Variants in USP13 observed in about 807,000 individuals in gnomAD.
USP13 encodes ubiquitin carboxyl-terminal hydrolase 13.
USP13 carries 68 observed loss-of-function variants against 107.8 expected under a neutral mutation model. That is an observed-to-expected ratio of 0.63 (90% confidence interval 0.52 to 0.77). USP13 has a LOEUF of 0.77. Ranked by LOEUF, USP13 falls within the 30% of genes least tolerant of loss-of-function variation. The probability of loss-of-function intolerance (pLI) is 0.00; values close to 1 mark genes in which losing one functional copy is unlikely to be tolerated. For synonymous variants in USP13, 377 were observed against 389.5 expected (o/e 0.97, Z 0.38); for missense variants, 945 against 1,093.3 (o/e 0.86, Z 1.91).
At chr3:179,660,529 C>G (rs1720427132) in intron 1 of USP13, among the ~76,000 whole-genome samples, 3 of 152,170 alleles carry the variant, frequency 2.0e-5, no homozygotes, top group Admixed American at 1.3e-4. Flanking sequence ...GTCCATTCAC[C>G]TGTTAATGGA....
At chr3:179,744,752 T>C (rs1714336128) in intron 12 of USP13, among the ~76,000 whole-genome samples, 2 of 152,178 alleles carry the variant, frequency 1.3e-5, no homozygotes, top group South Asian at 4.1e-4. Context: ...ATCACACACA[T>C]GGTCTGGCCC....
At chr3:179,723,386 G>A (rs1295421222) in intron 8 of USP13, among the ~76,000 whole-genome samples, 1 of 152,180 alleles carries the variant, frequency 6.6e-6, no homozygotes, top group African/African-American at 2.4e-5. Flanking sequence ...GTGAACACAA[G>A]GACATGGTCC....
At chr3:179,708,744 G>C (rs1222122762) in intron 5 of USP13, 29 bp from the exon 6 acceptor site, 1 of 1,612,086 alleles carries the variant, frequency 6.2e-7, no homozygotes, top group Non-Finnish European at 8.5e-7. Context: ...TGCCCTGGCT[G>C]TTCTGACTAC....
At chr3:179,758,247 GT>G (rs955604205) in intron 16 of USP13, among the ~76,000 whole-genome samples, 2 of 152,220 alleles carry the variant, frequency 1.3e-5, no homozygotes, top group African/African-American at 4.8e-5. Flanking sequence ...ATCCTGGCAT[GT>G]GAGAGGTTTG....
intron 3 of USP13, among the ~76,000 whole-genome samples, chr3:179,693,532 G>A (rs914226026): frequency 6.6e-6 from 1 of 152,064 alleles, no homozygotes; most frequent in South Asian, 2.1e-4. Context: ...TCATCTCCTA[G>A]GAACAGGCAC....
chr3:179,707,859 C>G (rs944970089), intron 5 of USP13, among the ~76,000 whole-genome samples: 3 of 152,154 alleles, frequency 2.0e-5, no homozygotes, highest in Non-Finnish European at 4.4e-5. Context: ...TCTTTGGAAA[C>G]GAGAGTTACT....
At chr3:179,770,071 T>A (rs975768131) in intron 19 of USP13, among the ~76,000 whole-genome samples, 1 of 152,244 alleles carries the variant, frequency 6.6e-6, no homozygotes, top group Non-Finnish European at 1.5e-5. Flanking sequence ...GTGCTTTTTA[T>A]ATTTTTTGTA....
intron 6 of USP13, among the ~76,000 whole-genome samples, chr3:179,719,000 C>A (rs1713209861): frequency 6.6e-6 from 1 of 152,154 alleles, no homozygotes; most frequent in Non-Finnish European, 1.5e-5. Flanking sequence ...CGTGATCCGC[C>A]TGCCTCGGCC....
chr3:179,658,608 T>C lies in USP13; in HGVS notation c.168+5215T>C, dbSNP rs73883593. 4.7e-3 allele frequency among the ~76,000 whole-genome samples: 718 copies of C among 152,308 alleles called. 8 individuals carry two copies. The highest frequency in any genetic ancestry group is 0.016 in the African/African-American group (681 of 41,564). Reference sequence around the variant, plus strand: ...GACAAAGAGAAAGAAGGAAAGCCAGTCCAAGAGTGAGTTATGGAGCTGGCT... The same window carrying C: ...GACAAAGAGAAAGAAGGAAAGCCAGCCCAAGAGTGAGTTATGGAGCTGGCT... On this transcript the variant is annotated intron_variant, in intron 1 of 20. Transcript: ENST00000263966.
chr3:179,745,257 G>A (rs1460415171), intron 13 of USP13, 40 bp downstream of exon 13: 1 of 1,604,024 alleles, frequency 6.2e-7, no homozygotes, highest in Admixed American at 1.7e-5. Flanking sequence ...GGTGAGGAGG[G>A]GCCTTGAGGG....
At chr3:179,750,851 A>G (rs1714585058) in intron 13 of USP13, among the ~76,000 whole-genome samples, 1 of 152,202 alleles carries the variant, frequency 6.6e-6, no homozygotes, top group Non-Finnish European at 1.5e-5. Flanking sequence ...ATTTGGAGTG[A>G]ATGAAGTGGC....
chr3:179,662,658 C>T (rs1403542939), intron 1 of USP13, among the ~76,000 whole-genome samples: 1 of 152,170 alleles, frequency 6.6e-6, no homozygotes, highest in Non-Finnish European at 1.5e-5. Flanking sequence ...TTTCTAAAAT[C>T]ATAATCAAGA....
At chr3:179,664,342 C>T (rs1720529415) in intron 1 of USP13, among the ~76,000 whole-genome samples, 1 of 152,258 alleles carries the variant, frequency 6.6e-6, no homozygotes, top group East Asian at 1.9e-4. Context: ...GATCCACCTG[C>T]CTTGGCTTCC....
chr3:179,741,294 C>T (rs796524917), intron 11 of USP13, among the ~76,000 whole-genome samples: 5 of 152,296 alleles, frequency 3.3e-5, no homozygotes, highest in African/African-American at 9.6e-5. Context: ...TGGCCCACTG[C>T]AACCTCCGCC....
intron 8 of USP13, among the ~76,000 whole-genome samples, chr3:179,728,267 G>A (rs1239400038): frequency 6.6e-6 from 1 of 150,460 alleles, no homozygotes; most frequent in African/African-American, 2.4e-5. Context: ...TTCCCAGACG[G>A]GGCAGTTGCC....
chr3:179,724,268 G>A (rs1265164543), intron 8 of USP13, among the ~76,000 whole-genome samples: 1 of 151,566 alleles, frequency 6.6e-6, no homozygotes, highest in Non-Finnish European at 1.5e-5. Flanking sequence ...GACCAGCCTG[G>A]CCAACATGGT....
At chr3:179,771,251 T>A (rs1341130840) in intron 19 of USP13, among the ~76,000 whole-genome samples, 2 of 152,198 alleles carry the variant, frequency 1.3e-5, no homozygotes, top group Admixed American at 1.3e-4. Context: ...TAGCTAAGTC[T>A]TGTCCCAGAG....
intron 1 of USP13, among the ~76,000 whole-genome samples, chr3:179,657,871 A>G (rs1720324304): frequency 6.6e-6 from 1 of 150,574 alleles, no homozygotes; most frequent in African/African-American, 2.4e-5. Context: ...GCTTAAGTGG[A>G]GGAGGGATGT....
intron 10 of USP13, among the ~76,000 whole-genome samples, chr3:179,732,028 C>G (rs995189404): frequency 1.3e-5 from 2 of 150,104 alleles, no homozygotes; most frequent in African/African-American, 2.5e-5. Flanking sequence ...ATAGAGGCAG[C>G]CTTGGGGATG....
Sources: gnomAD v4.1 joint callset for allele counts (sites outside exome capture counted in the v4.1 genomes callset) on GRCh38, gnomAD v4.1.1 for gene constraint, MANE v1.5 for transcripts, NCBI Gene and HGNC (gene_info 2026-07-23, HGNC 2026-07-21) for gene names.